The following CCDC192 variants were observed in gnomAD, a reference collection of about 807,000 sequenced individuals.
The protein encoded by CCDC192 is coiled-coil domain containing 192.
At chr5:127,742,428 T>TA (rs908227562) in intron 2 of CCDC192, among the ~76,000 whole-genome samples, 13 of 152,018 alleles carry the variant, frequency 8.6e-5, no homozygotes, top group African/African-American at 1.9e-4. Flanking sequence ...TGTTTATTTC[T>TA]AAAAAAAATA....
chr5:127,816,630 G>A lies in CCDC192; in HGVS notation c.411+18468G>A, dbSNP rs1051949243. 2.0e-5 allele frequency among the ~76,000 whole-genome samples: 3 copies of A among 152,196 alleles called. No homozygotes were observed. In the East Asian group the frequency reaches 5.8e-4, roughly 29 times the overall value. ...GTACCTCTGGCTCTGTGCACTGGAA[G>A]CCTCCACTAGAACTTTTGCTTCTAA... is the stretch of plus-strand genomic sequence containing the variant. On this transcript the variant is annotated intron_variant, in intron 5 of 6. Transcript: ENST00000514853.
intron 6 of CCDC192, among the ~76,000 whole-genome samples, chr5:127,890,302 G>A (rs183762193): frequency 6.6e-6 from 1 of 152,190 alleles, no homozygotes; most frequent in South Asian, 2.1e-4. Context: ...ACTTGAGCCT[G>A]GGTGGTCGAG....
At chr5:127,723,285 C>A (rs1274397181) in intron 2 of CCDC192, among the ~76,000 whole-genome samples, 1 of 152,014 alleles carries the variant, frequency 6.6e-6, no homozygotes, top group Non-Finnish European at 1.5e-5. Flanking sequence ...AGAAATGTTA[C>A]TGATTTTTGT....
intron 2 of CCDC192, among the ~76,000 whole-genome samples, chr5:127,740,836 G>A (rs962758286): frequency 4.6e-5 from 7 of 152,162 alleles, no homozygotes; most frequent in South Asian, 4.1e-4. Context: ...AGGCATGTGC[G>A]TTTCCTAAAA....
intron 2 of CCDC192, among the ~76,000 whole-genome samples, chr5:127,752,581 G>C (rs1215608648): frequency 1.3e-5 from 2 of 152,332 alleles, no homozygotes; most frequent in African/African-American, 4.8e-5. Flanking sequence ...TCTGTGCCCT[G>C]CCCCCAGAGG....
rs1554068203 is a variant in CCDC192 at position 127,719,829 on chromosome 5, A to AGGC, written c.114+12071_114+12072insCGG. Reference sequence around the variant, plus strand: ...CGTCTCGCATGGCCAGATCAGAGGAAGGGGCGGGGGAGGTGACACATGCTT... The same window carrying AGGC: ...CGTCTCGCATGGCCAGATCAGAGGAAGGCGGGGCGGGGGAGGTGACACATGCTT... On this transcript the variant is annotated intron_variant, in intron 2 of 6. Transcript: ENST00000514853. 7.2e-4 allele frequency among the ~76,000 whole-genome samples: 68 copies of AGGC among 94,418 alleles called. 2 individuals carry two copies. The highest frequency in any genetic ancestry group is 4.3e-3 in the South Asian group (10 of 2,350). The allele number at this position is 94,418 out of a possible 152,430, so 61.9% of individuals were successfully genotyped here. A position where few individuals can be genotyped will look rare whatever the true frequency, so the allele number is the denominator to read the frequency against.
intron 3 of CCDC192, among the ~76,000 whole-genome samples, chr5:127,795,641 C>T (rs763307766): frequency 1.3e-5 from 2 of 151,794 alleles, no homozygotes; most frequent in Non-Finnish European, 2.9e-5. Context: ...AGTGCAATGG[C>T]GCGATTTTGG....
At chr5:127,768,019 C>T (rs964255680) in intron 3 of CCDC192, among the ~76,000 whole-genome samples, 3 of 151,944 alleles carry the variant, frequency 2.0e-5, no homozygotes, top group Non-Finnish European at 4.4e-5. Context: ...TTTGGGAGGC[C>T]GAGGTGGGCG....
chr5:127,806,144 A>C (rs895155802), intron 5 of CCDC192, among the ~76,000 whole-genome samples: 7 of 152,180 alleles, frequency 4.6e-5, no homozygotes, highest in Non-Finnish European at 1.0e-4. Flanking sequence ...CCAGGATATT[A>C]TCTTTTCTTT....
chr5:127,862,527 C>T (rs1751411024), intron 5 of CCDC192, among the ~76,000 whole-genome samples: 1 of 152,132 alleles, frequency 6.6e-6, no homozygotes, highest in East Asian at 1.9e-4. Flanking sequence ...CAGTCTCATG[C>T]CCAAACTTCC....
At chr5:127,865,259 G>T (rs2127113843) in intron 5 of CCDC192, among the ~76,000 whole-genome samples, 1 of 152,072 alleles carries the variant, frequency 6.6e-6, no homozygotes, top group East Asian at 1.9e-4. Context: ...AGGGGAGAAG[G>T]ATAAAACAAA....
intron 2 of CCDC192, among the ~76,000 whole-genome samples, chr5:127,746,671 A>T (rs1218086359): frequency 2.0e-5 from 3 of 150,204 alleles, no homozygotes; most frequent in Non-Finnish European, 2.9e-5. Flanking sequence ...ACCATCAGGG[A>T]TCCGAGGACA....
At chr5:127,817,311 G>A (rs1018007636) in intron 5 of CCDC192, among the ~76,000 whole-genome samples, 1 of 152,074 alleles carries the variant, frequency 6.6e-6, no homozygotes, top group Non-Finnish European at 1.5e-5. Context: ...TGCAGAGAAT[G>A]GAAATATGTC....
At position 127,715,884 on chromosome 5, in the gene CCDC192, A is replaced by T. The variant is rs1465764250; in HGVS notation, c.114+8124A>T. On this transcript the variant is annotated intron_variant, in intron 2 of 6. Coordinates refer to ENST00000514853, the MANE Select transcript of CCDC192 (RefSeq NM_001317938.2). Reference sequence around the variant, plus strand: ...CTCCTTTGCAGTTTGAAGGCCCTGTATTTCTTTCTACTGCCTAATTGTTTT... The same window carrying T: ...CTCCTTTGCAGTTTGAAGGCCCTGTTTTTCTTTCTACTGCCTAATTGTTTT... 2.0e-5 allele frequency among the ~76,000 whole-genome samples: 3 copies of T among 152,128 alleles called. No individual in the cohort carries two copies. The East Asian group carries it at 5.8e-4, about 29-fold the overall frequency.
chr5:127,886,021 C>G (rs1172751488), intron 6 of CCDC192, among the ~76,000 whole-genome samples: 1 of 152,040 alleles, frequency 6.6e-6, no homozygotes, highest in Non-Finnish European at 1.5e-5. Flanking sequence ...CAGTTGGATC[C>G]CAGAAAAAGT....
intron 4 of CCDC192, among the ~76,000 whole-genome samples, 181 bp from the exon 5 acceptor site, chr5:127,797,925 A>G (rs1354976085): frequency 6.6e-6 from 1 of 151,578 alleles, no homozygotes; most frequent in East Asian, 1.9e-4. Context: ...GGGTTCTTTC[A>G]TAGAATGGAA....
chr5:127,880,592 T>C (rs1375252534), intron 6 of CCDC192, among the ~76,000 whole-genome samples: 2 of 150,404 alleles, frequency 1.3e-5, no homozygotes, highest in Admixed American at 6.6e-5. Context: ...CCCTAAAACT[T>C]AAAGTATAAT....
intron 6 of CCDC192, among the ~76,000 whole-genome samples, chr5:127,933,523 C>T (rs1441434080): frequency 6.6e-6 from 1 of 152,168 alleles, no homozygotes; most frequent in Non-Finnish European, 1.5e-5. Flanking sequence ...ACCGTGAGAG[C>T]ATCTAATTGC....
intron 5 of CCDC192, among the ~76,000 whole-genome samples, chr5:127,837,426 A>G (rs1412271411): frequency 1.2e-5 from 1 of 80,890 alleles, no homozygotes; most frequent in Admixed American, 1.2e-4. Flanking sequence ...TTGTAAAACC[A>G]TCAGATGTTG....
Sources: gnomAD v4.1 joint callset for allele counts (sites outside exome capture counted in the v4.1 genomes callset) on GRCh38, gnomAD v4.1.1 for gene constraint, MANE v1.5 for transcripts, NCBI Gene and HGNC (gene_info 2026-07-23, HGNC 2026-07-21) for gene names.